The following RAB37 variants were observed in gnomAD, a reference collection of about 807,000 sequenced individuals.
RAB37 encodes the protein RAB37, member RAS oncogene family.
A neutral mutation model predicts 33.1 loss-of-function variants in RAB37; 29 were observed. The observed-to-expected ratio is 0.88, with a 90% CI of 0.65 to 1.20. The LOEUF (loss-of-function observed/expected upper bound fraction) is 1.20, where lower values mean the gene tolerates loss of function less well. Among genes scored for constraint, RAB37 ranks in the 50% most tolerant of loss-of-function variants. RAB37 has a pLI of 0.00. For missense variants in RAB37, 299 were observed against 301.1 expected, an observed-to-expected ratio of 0.99 and a Z score of 0.05; for synonymous variants, 128 against 119.5, an observed-to-expected ratio of 1.07 and a Z score of -0.47.
intron 1 of RAB37, chr17:74,677,249 A>C (rs575042512): frequency 1.2e-4 from 18 of 152,252 alleles, no homozygotes; most frequent in African/African-American, 3.6e-4. Flanking sequence ...TGGGACTGTC[A>C]CCTATTAATC....
rs903997363 is a variant in RAB37 at position 74,742,085 on chromosome 17, G to A, written c.205-169G>A. Among the ~76,000 whole-genome samples, 1 of 152,188 alleles carries A rather than the reference G, an allele frequency of 6.6e-6. No individual in the cohort carries two copies. Among genetic ancestry groups the A allele is most frequent in the Non-Finnish European group, 1.5e-5 (1 of 68,022 alleles). Reference sequence around the variant, plus strand: ...CAGAAGGGACGACTCCACAGTGGAGGTGTCTGGGTATGGGGTTCCTGCTGC... The same window carrying A: ...CAGAAGGGACGACTCCACAGTGGAGATGTCTGGGTATGGGGTTCCTGCTGC... On this transcript the variant is annotated intron_variant, in intron 2 of 8. Coordinates refer to ENST00000392613, the MANE Select transcript of RAB37 (RefSeq NM_001006638.3). This position sits in a 1 kb window ranked among gnomAD's most constrained non-coding sequence, Gnocchi z 4.0.
At chr17:74,678,107 C>T (rs1254030361) in intron 1 of RAB37, among the ~76,000 whole-genome samples, 1 of 152,190 alleles carries the variant, frequency 6.6e-6, no homozygotes, top group Non-Finnish European at 1.5e-5. Flanking sequence ...CAATACCCTT[C>T]TTGCTTCCTT....
chr17:74,724,376 T>C (rs2034279547), intron 1 of RAB37, among the ~76,000 whole-genome samples: 1 of 152,240 alleles, frequency 6.6e-6, no homozygotes, highest in Non-Finnish European at 1.5e-5. Context: ...GATATGCATC[T>C]ATCTCAGTGA....
At chr17:74,703,035 C>T (rs1028304258) in intron 1 of RAB37, 12 of 1,612,610 alleles carry the variant, frequency 7.4e-6, no homozygotes, top group African/African-American at 1.3e-5. Flanking sequence ...GCTGGCTTAC[C>T]TGTTGTCCAA....
At chr17:74,726,183 C>T (rs1293454539) in intron 1 of RAB37, among the ~76,000 whole-genome samples, 2 of 149,004 alleles carry the variant, frequency 1.3e-5, no homozygotes, top group African/African-American at 2.5e-5. Flanking sequence ...TATTGTGAGC[C>T]GAGATTGTGA....
At position 74,745,089 on chromosome 17, in the gene RAB37, G is replaced by A. The variant is rs982649017; in HGVS notation, c.566+5G>A. On this transcript the variant is annotated splice_donor_5th_base_variant and intron_variant, in intron 8 of 8. Coordinates refer to ENST00000392613, the MANE Select transcript of RAB37 (RefSeq NM_001006638.3). The surrounding 1 kb of genome is among the most constrained non-coding windows in gnomAD (Gnocchi z 4.5). The stretch of plus-strand genomic sequence containing the variant: ...AGCCTTTCTGGCCATCGCCAAGTGA[G>A]AGCTGGGCAGGGAAGGGAAGTGTGC... 1.9e-6 allele frequency: 3 copies of A among 1,613,926 alleles called. No individual in the cohort carries two copies. Among genetic ancestry groups the A allele is most frequent in the Non-Finnish European group, 2.5e-6 (3 of 1,179,976 alleles).
chr17:74,695,758 C>G (rs1464419978), intron 1 of RAB37: 1 of 1,614,076 alleles, frequency 6.2e-7, no homozygotes, highest in Non-Finnish European at 8.5e-7. Flanking sequence ...CCTGGTCAAC[C>G]TGGGCAGAGG....
intron 1 of RAB37, among the ~76,000 whole-genome samples, chr17:74,728,934 T>G (rs574068980): frequency 6.6e-6 from 1 of 152,184 alleles, no homozygotes; most frequent in East Asian, 1.9e-4. Flanking sequence ...TGTATGTTTC[T>G]GTGTCGTGTG....
rs2034363271 is a variant in RAB37, at chr17:74,729,846, GC to G, written c.183+483del. ...TTTTAATATGGGATAGCTCAGGTCA[GC>G]CCTCCAAGGCAAGAAGATCTGGAGG... On this transcript the variant is annotated intron_variant, in intron 2 of 7. Coordinates refer to the RAB37 transcript ENST00000340415. This position sits in a 1 kb window ranked among gnomAD's most constrained non-coding sequence, Gnocchi z 4.2. Among the ~76,000 whole-genome samples, 1 of 152,222 alleles carries G rather than the reference GC, an allele frequency of 6.6e-6. No individual in the cohort carries two copies. Among genetic ancestry groups the G allele is most frequent in the Non-Finnish European group, 1.5e-5 (1 of 68,048 alleles).
At position 74,742,302 on chromosome 17, in the gene RAB37, C is replaced by T. The variant is rs1317154523; in HGVS notation, c.246+7C>T. 2 of 1,610,568 alleles carry T rather than the reference C, an allele frequency of 1.2e-6. No individual in the cohort carries two copies. The highest frequency in any genetic ancestry group is 2.2e-5 in the East Asian group (1 of 44,746). The stretch of plus-strand genomic sequence containing the variant: ...CGTGAGAGTGAAGCTGCAGGTGAGA[C>T]CAGAGGCTGGAGTTGGGGAGGGAGG... On this transcript the variant is annotated splice_region_variant and intron_variant, in intron 3 of 8. Transcript: ENST00000392613. The surrounding 1 kb of genome is among the most constrained non-coding windows in gnomAD (Gnocchi z 4.0).
At chr17:74,717,577 G>A (rs1250054192) in intron 1 of RAB37, among the ~76,000 whole-genome samples, 1 of 152,104 alleles carries the variant, frequency 6.6e-6, no homozygotes, top group African/African-American at 2.4e-5. Flanking sequence ...GGGAGGCCGA[G>A]GCAGGCAGAT....
At position 74,740,838 on chromosome 17, in the gene RAB37, T is replaced by C; in HGVS notation, c.164T>C (p.Leu55Pro). 6.2e-7 allele frequency: 1 copy of C among 1,614,158 alleles called. No individual in the cohort carries two copies. The highest frequency in any genetic ancestry group is 8.5e-7 in the Non-Finnish European group (1 of 1,180,000). Reference sequence around the variant, plus strand: ...ATCCAATTCAAAGACGGGGCCTTCCTGTCCGGAACCTTCATAGCCACCGTC... The same window carrying C: ...ATCCAATTCAAAGACGGGGCCTTCCCGTCCGGAACCTTCATAGCCACCGTC... ...FLIQFKDGAF[L>P]SGTFIATVGI... Residue 55 changes from leucine to proline, a missense_variant, in exon 2 of 9, where the codon CTG (leucine) becomes CCG (proline). By Grantham distance (98) the Leu-to-Pro change is moderately conservative. Transcript: ENST00000392613.
At chr17:74,700,444 G>A (rs2032942823) in intron 1 of RAB37, among the ~76,000 whole-genome samples, 3 of 152,034 alleles carry the variant, frequency 2.0e-5, no homozygotes, top group African/African-American at 7.2e-5. Flanking sequence ...TCCAGTCTTT[G>A]CTCAAGAATC....
In RAB37 at chr17:74,737,294, G is replaced by T; in HGVS notation, c.22G>T (p.Val8Phe). MTGTPGA[V>F]ATRDGEAPER... Reference sequence around the variant, plus strand: ...GGACATGACGGGCACGCCAGGCGCCGTTGCCACCCGGGATGGCGAGGCCCC... The same window carrying T: ...GGACATGACGGGCACGCCAGGCGCCTTTGCCACCCGGGATGGCGAGGCCCC... Residue 8 changes from valine to phenylalanine, a missense_variant, in exon 1 of 9, where the codon GTT becomes TTT. Physicochemically the swap from Val to Phe is conservative, Grantham distance 50. Coordinates refer to ENST00000392613, the MANE Select transcript of RAB37 (RefSeq NM_001006638.3). The T allele has an allele frequency of 1.3e-6, 2 of 1,573,756 alleles. No homozygotes were observed. The highest frequency in any genetic ancestry group is 8.6e-7 in the Non-Finnish European group (1 of 1,167,070).
chr17:74,697,423 T>G (rs1403291083), intron 1 of RAB37, among the ~76,000 whole-genome samples: 1 of 152,210 alleles, frequency 6.6e-6, no homozygotes, highest in Non-Finnish European at 1.5e-5. Context: ...CACTTAGACC[T>G]TAGGCCGTGG....
intron 5 of RAB37, 88 bp downstream of exon 5, chr17:74,743,428 C>T (rs1190765747): frequency 2.9e-5 from 40 of 1,361,060 alleles, no homozygotes; most frequent in Admixed American, 1.0e-4. Context: ...CTGTGGAAAG[C>T]GGGTGGAGCG....
At chr17:74,704,455 C>T in intron 1 of RAB37, 1 of 1,543,642 alleles carries the variant, frequency 6.5e-7, no homozygotes, top group Non-Finnish European at 8.9e-7. Flanking sequence ...GAGAGACACA[C>T]ACATATATAC....
intron 1 of RAB37, among the ~76,000 whole-genome samples, chr17:74,688,278 G>A (rs1347439870): frequency 2.0e-5 from 3 of 152,166 alleles, no homozygotes; most frequent in African/African-American, 4.8e-5. Context: ...GGCCGGGCGT[G>A]GTGGCTCACG....
intron 1 of RAB37, among the ~76,000 whole-genome samples, chr17:74,723,660 C>T (rs191176047): frequency 2.7e-4 from 40 of 150,190 alleles, no homozygotes; most frequent in African/African-American, 9.6e-4. Flanking sequence ...CTCACCACAA[C>T]CTCTGCCTCC....
Sources: allele counts gnomAD v4.1 joint callset (sites outside exome capture counted in the v4.1 genomes callset), GRCh38; gene constraint gnomAD v4.1.1; non-coding constraint Gnocchi (gnomAD v3.1); transcripts MANE v1.5; gene names NCBI Gene and HGNC (gene_info 2026-07-23, HGNC 2026-07-21).